DST: variants seen among roughly 807,000 people sequenced by gnomAD.
DST encodes bullous pemphigoid antigen.
Under a neutral mutation model 875.2 loss-of-function variants are expected in DST, and 253 were observed. The ratio of observed to expected loss-of-function variants is 0.29; its 90% CI spans 0.26 to 0.32. The LOEUF is 0.32. Ranked by LOEUF, DST falls within the 10% of genes least tolerant of loss-of-function variation. The probability of loss-of-function intolerance (pLI) is 1.00; values close to 1 mark genes in which losing one functional copy is unlikely to be tolerated. For synonymous variants in DST, 3,124 were observed against 3,197.1 expected, an observed-to-expected ratio of 0.98 and a Z score of 0.77; for missense variants, 8,287 against 9,111.6, an observed-to-expected ratio of 0.91 and a Z score of 3.68.
rs778510315 is a variant in DST at position 56,619,157 on chromosome 6, C to A, written c.4930-4673G>T. On this transcript the variant is annotated intron_variant, in intron 36 of 103. Transcript: ENST00000680361. ...TTTATGCAAGTGTTCATTTGTGCTGCGTAGCTGATCTTTAAAACCATCTGC... is the reference window on the plus strand; with the variant it reads ...TTTATGCAAGTGTTCATTTGTGCTGAGTAGCTGATCTTTAAAACCATCTGC... The A allele has an allele frequency of 1.2e-6, 2 of 1,613,884 alleles. No individual in the cohort carries two copies. The highest frequency in any genetic ancestry group is 3.3e-5 in the Admixed American group (2 of 59,988).
At chr6:56,785,472 GC>G (rs1299080859) in intron 4 of DST, among the ~76,000 whole-genome samples, 3 of 152,180 alleles carry the variant, frequency 2.0e-5, no homozygotes, top group African/African-American at 4.8e-5. Flanking sequence ...AGACTGCTGT[GC>G]TAGCAATCAG....
At chr6:56,619,147 A>G in intron 36 of DST, 3 of 1,613,930 alleles carry the variant, frequency 1.9e-6, no homozygotes, top group Non-Finnish European at 2.5e-6. Context: ...GCAAGTGTTC[A>G]TTTGTGCTGC....
At chr6:56,943,231 T>C (rs1243178366) in intron 2 of DST, among the ~76,000 whole-genome samples, 1 of 152,142 alleles carries the variant, frequency 6.6e-6, no homozygotes, top group African/African-American at 2.4e-5. Flanking sequence ...AAAACACAAA[T>C]TCAGGAACTG....
At chr6:56,762,027 G>A (rs2099618346) in intron 4 of DST, among the ~76,000 whole-genome samples, 1 of 148,656 alleles carries the variant, frequency 6.7e-6, no homozygotes, top group Admixed American at 6.7e-5. Context: ...CTCCAGAAAT[G>A]TTTTTTTTTT....
At chr6:56,700,284 T>C (rs1170937922) in intron 8 of DST, among the ~76,000 whole-genome samples, 1 of 152,212 alleles carries the variant, frequency 6.6e-6, no homozygotes, top group Admixed American at 6.5e-5. Flanking sequence ...AACCAGTCCC[T>C]GTTGCCAGAA....
At chr6:56,813,328 C>T (rs887405080) in intron 4 of DST, among the ~76,000 whole-genome samples, 57 of 149,374 alleles carry the variant, frequency 3.8e-4, no homozygotes, top group African/African-American at 1.3e-3. Context: ...GGCACATGTA[C>T]ACATATGTAA....
At position 56,497,423 on chromosome 6, in the gene DST, C is replaced by T; in HGVS notation, c.20179G>A (p.Gly6727Arg). 2 of 1,613,138 alleles carry T rather than the reference C, an allele frequency of 1.2e-6. No individual in the cohort carries two copies. The highest frequency in any genetic ancestry group is 1.7e-6 in the Non-Finnish European group (2 of 1,179,376). Residue 6727 changes from glycine (G) to arginine (R), a missense_variant, in exon 82 of 104, where the codon GGA becomes AGA. Gly to Arg is a moderately radical substitution (Grantham distance 125). This residue lies in a region of DST where 1,292 missense variants were observed against 1,552.7 expected (regional missense o/e 0.83). Transcript: ENST00000680361. The part of the protein sequence containing the change: ...ERHLLASKPL[G>R]GLPETAKEQL... The stretch of plus-strand genomic sequence containing the variant: ...TCCTTGGCTGTTTCCGGTAAACCTC[C>T]CAGCGGTTTAGATGCCAACAGATGA...
chr6:56,868,885 C>A (rs78499032), intron 3 of DST, among the ~76,000 whole-genome samples: 5,791 of 152,168 alleles, frequency 0.038, 373 homozygotes, highest in African/African-American at 0.13. Flanking sequence ...TTCTCAATAC[C>A]CTATGTAAAC....
At position 56,511,185 on chromosome 6, in the gene DST, G is replaced by T; in HGVS notation, c.18780+12C>A. 1.3e-6 allele frequency: 2 copies of T among 1,566,250 alleles called. No homozygotes were observed. The highest frequency in any genetic ancestry group is 1.7e-6 in the Non-Finnish European group (2 of 1,153,396). ...GCAAGAACCCAATTCTATATCTAGT[G>T]TAAACAATTACCTGAGTTGATTGAG... On this transcript the variant is annotated intron_variant, in intron 73 of 103. Coordinates refer to ENST00000680361, the MANE Select transcript of DST (RefSeq NM_001374736.1).
At position 56,645,967 on chromosome 6, in the gene DST, C is replaced by G. The variant is rs752311823; in HGVS notation, c.1677G>C (p.Lys559Asn). ...LEIWIEFGRI[K>N]LLQGYHPNDI... ...CATTTGGATGATAACCTTGAAGGAG[C>G]TTGATGCGTCCAAATTCTATCCAAA... is the stretch of plus-strand genomic sequence containing the variant. The change falls in exon 15 of 104, where the codon AAG becomes AAC. Residue 559 changes from lysine to asparagine, a missense_variant. Coordinates refer to ENST00000680361, the MANE Select transcript of DST (RefSeq NM_001374736.1). The G allele has an allele frequency of 6.2e-7, 1 of 1,613,264 alleles. No homozygotes were observed. The highest frequency in any genetic ancestry group is 1.7e-5 in the Admixed American group (1 of 59,910).
chr6:56,797,183 T>C (rs2099740870), intron 4 of DST, among the ~76,000 whole-genome samples: 1 of 152,192 alleles, frequency 6.6e-6, no homozygotes, highest in African/African-American at 2.4e-5. Flanking sequence ...TTTAAATTCT[T>C]TTGGGGCACC....
chr6:56,557,626 C>A, intron 58 of DST, 108 bp from the exon 59 acceptor site: 1 of 842,302 alleles, frequency 1.2e-6, no homozygotes, highest in Non-Finnish European at 1.8e-6. Context: ...TGGCTATAAT[C>A]CCATTTTTAT....
Position 56,606,898 on chromosome 6 carries a change from G to T in DST, c.7730C>A (p.Ala2577Asp), listed in dbSNP as rs754817477. 1 of 1,613,410 alleles carries T rather than the reference G, an allele frequency of 6.2e-7. No individual in the cohort carries two copies. Among genetic ancestry groups the T allele is most frequent in the South Asian group, 1.1e-5 (1 of 91,060 alleles). The change falls in exon 40 of 104, where the codon GCT becomes GAT. Residue 2577 changes from alanine (A) to aspartate (D), a missense_variant. Physicochemically the swap from Ala to Asp is moderately radical, Grantham distance 126. Coordinates refer to ENST00000680361, the MANE Select transcript of DST (RefSeq NM_001374736.1). ...GATGGTTTCATCAAGCAATGGTGTA[G>T]CACAAGTAAGAGACACAATGGCATT... ...TDNAIVSLTC[A>D]TPLLDETISA...
intron 4 of DST, among the ~76,000 whole-genome samples, chr6:56,742,863 T>C (rs1589490157): frequency 6.6e-6 from 1 of 152,224 alleles, no homozygotes; most frequent in Non-Finnish European, 1.5e-5. Context: ...CACTTTTGGG[T>C]ATTTCTTTAT....
At chr6:56,745,967 G>A (rs1417236167) in intron 4 of DST, among the ~76,000 whole-genome samples, 1 of 152,052 alleles carries the variant, frequency 6.6e-6, no homozygotes, top group African/African-American at 2.4e-5. Context: ...TGTGTAAAAT[G>A]GCAGAGACTT....
chr6:56,470,620 T>C (rs2094838234), intron 95 of DST, among the ~76,000 whole-genome samples: 1 of 152,002 alleles, frequency 6.6e-6, no homozygotes, highest in Non-Finnish European at 1.5e-5. Flanking sequence ...GTCAGGGAAA[T>C]CACATACAAA....
At chr6:56,807,694 G>C (rs1035801392) in intron 4 of DST, among the ~76,000 whole-genome samples, 6 of 152,142 alleles carry the variant, frequency 3.9e-5, no homozygotes, top group Non-Finnish European at 8.8e-5. Context: ...TACGTAACTA[G>C]CATATTACCT....
At chr6:56,896,491 C>G (rs1211154271) in intron 3 of DST, among the ~76,000 whole-genome samples, 1 of 152,174 alleles carries the variant, frequency 6.6e-6, no homozygotes, top group Non-Finnish European at 1.5e-5. Context: ...AATTAAACCT[C>G]TTTTTCTTCC....
chr6:56,843,262 C>G (rs752979434), intron 4 of DST: 15 of 1,270,710 alleles, frequency 1.2e-5, no homozygotes, highest in Admixed American at 1.0e-4. Flanking sequence ...AGGAGCAGCA[C>G]GCTGGGGAGA....
Sources: gnomAD v4.1 joint callset for allele counts (sites outside exome capture counted in the v4.1 genomes callset) on GRCh38, gnomAD v4.1.1 for gene constraint, gnomAD v4.1.1 regional missense constraint, MANE v1.5 for transcripts, NCBI Gene and HGNC (gene_info 2026-07-23, HGNC 2026-07-21) for gene names.